The following XPO6 variants were observed in gnomAD, a reference collection of about 807,000 sequenced individuals.
XPO6 encodes exportin-6.
Under a neutral mutation model 130.0 loss-of-function variants are expected in XPO6, and 3 were observed. That is an observed-to-expected ratio of 0.02 (90% CI 0.01 to 0.06). XPO6 has a LOEUF of 0.06. Ranked by LOEUF, XPO6 falls within the 10% of genes least tolerant of loss-of-function variation. The probability of loss-of-function intolerance (pLI) is 1.00; values close to 1 mark genes in which losing one functional copy is unlikely to be tolerated. For synonymous variants in XPO6, 524 were observed against 548.9 expected, an observed-to-expected ratio of 0.95 and a Z score of 0.63; for missense variants, 970 against 1,393.0, an observed-to-expected ratio of 0.70 and a Z score of 4.83.
intron 17 of XPO6, among the ~76,000 whole-genome samples, chr16:28,110,069 G>A (rs960132092): frequency 6.6e-6 from 1 of 151,954 alleles, no homozygotes; most frequent in Non-Finnish European, 1.5e-5. Context: ...AAAGTATAAA[G>A]TTGAGATAAG....
At chr16:28,153,349 G>A (rs1414314299) in intron 7 of XPO6, 2 of 985,672 alleles carry the variant, frequency 2.0e-6, no homozygotes, top group East Asian at 2.3e-4. Context: ...AAGGGAGGAA[G>A]GCTATTAGAA....
intron 1 of XPO6, among the ~76,000 whole-genome samples, chr16:28,200,902 C>T (rs1050468252): frequency 2.0e-5 from 3 of 152,072 alleles, no homozygotes; most frequent in East Asian, 1.9e-4. Context: ...CCCTTAACGA[C>T]GACTAGCACA....
At chr16:28,108,093 C>T (rs1254405979) in intron 17 of XPO6, among the ~76,000 whole-genome samples, 3 of 152,114 alleles carry the variant, frequency 2.0e-5, no homozygotes, top group African/African-American at 7.2e-5. Context: ...AGGTCACAGG[C>T]CAGGACGGAC....
At position 28,098,625 on chromosome 16, in the gene XPO6, G is replaced by A; in HGVS notation, c.3291C>T (p.Phe1097=). The A allele has an allele frequency of 6.2e-7, 1 of 1,611,200 alleles. No homozygotes were observed. Among genetic ancestry groups the A allele is most frequent in the South Asian group, 1.1e-5 (1 of 90,832 alleles). Reference sequence around the variant, plus strand: ...TGACCAGCCTGTGCACATTCTGGGTGAATGAGGGCAGGTCCTGGAAGGCAG... The same window carrying A: ...TGACCAGCCTGTGCACATTCTGGGTAAATGAGGGCAGGTCCTGGAAGGCAG... ...NFKMDRDLPS[F]TQNVHRLVND... is the part of the protein sequence containing the mutation. The change falls in exon 24 of 24, where the codon TTC becomes TTT. Residue 1097 remains phenylalanine, a synonymous_variant. Coordinates refer to ENST00000304658, the MANE Select transcript of XPO6 (RefSeq NM_015171.4).
intron 7 of XPO6, 157 bp from the exon 8 acceptor site, chr16:28,152,942 C>G: frequency 7.4e-7 from 1 of 1,342,724 alleles, no homozygotes; most frequent in Non-Finnish European, 9.5e-7. Context: ...ACAGGACAGG[C>G]AACCCTTCAT....
At position 28,106,007 on chromosome 16, in the gene XPO6, G is replaced by A; in HGVS notation, c.2784+36C>T. 6.3e-7 allele frequency: 1 copy of A among 1,587,000 alleles called. No homozygotes were observed. The highest frequency in any genetic ancestry group is 8.6e-7 in the Non-Finnish European group (1 of 1,161,434). On this transcript the variant is annotated intron_variant, in intron 20 of 23. Coordinates refer to ENST00000304658, the MANE Select transcript of XPO6 (RefSeq NM_015171.4). This position sits in a 1 kb window ranked among gnomAD's most constrained non-coding sequence, Gnocchi z 4.2. ...CTCATTCCCTTCCCAATCTGGAGAT[G>A]GGGGGTGCTGCACAGGGGACCGTCT...
intron 1 of XPO6, among the ~76,000 whole-genome samples, chr16:28,194,189 A>G (rs1487192232): frequency 3.9e-5 from 6 of 152,182 alleles, no homozygotes; most frequent in Admixed American, 3.9e-4. Context: ...AAATGAGCAA[A>G]ACTATTTCAC....
chr16:28,193,155 A>G (rs2043810850), intron 1 of XPO6, among the ~76,000 whole-genome samples: 1 of 152,158 alleles, frequency 6.6e-6, no homozygotes, highest in South Asian at 2.1e-4. Context: ...CCACCTTTAT[A>G]CTTTTTTAAA....
chr16:28,178,582 C>A (rs1386344369), intron 2 of XPO6, among the ~76,000 whole-genome samples: 2 of 139,308 alleles, frequency 1.4e-5, no homozygotes, highest in African/African-American at 5.1e-5. Context: ...TGAGACACCA[C>A]GCACAGATGG....
intron 15 of XPO6, among the ~76,000 whole-genome samples, chr16:28,115,283 G>T (rs193173593): frequency 6.6e-5 from 10 of 152,114 alleles, no homozygotes; most frequent in Non-Finnish European, 1.3e-4. Context: ...CTTATGAAAC[G>T]TATTTCTGAA....
At chr16:28,153,302 C>T (rs1397048519) in intron 7 of XPO6, 1 of 988,232 alleles carries the variant, frequency 1.0e-6, no homozygotes, top group East Asian at 1.1e-4. Flanking sequence ...TAATTAAACA[C>T]AGCACAACCC....
intron 9 of XPO6, 101 bp from the exon 10 acceptor site, chr16:28,135,425 C>A: frequency 2.2e-6 from 2 of 929,368 alleles, no homozygotes; most frequent in Admixed American, 2.4e-5. Context: ...ATGTTGATCA[C>A]CATGGAAAAA....
intron 1 of XPO6, among the ~76,000 whole-genome samples, chr16:28,191,338 A>G (rs888358716): frequency 2.0e-5 from 3 of 152,230 alleles, no homozygotes; most frequent in African/African-American, 7.2e-5. Context: ...GAAACTGTCT[A>G]AAGTAAGTAA....
intron 3 of XPO6, among the ~76,000 whole-genome samples, chr16:28,176,897 ATTATGG>A (rs1413597665): frequency 6.6e-6 from 1 of 152,106 alleles, no homozygotes; most frequent in African/African-American, 2.4e-5. Context: ...GGATGATGGT[ATTATGG>A]TTATTATTTC....
At chr16:28,141,892 G>A (rs1596865115) in intron 9 of XPO6, among the ~76,000 whole-genome samples, 2 of 152,240 alleles carry the variant, frequency 1.3e-5, no homozygotes, top group South Asian at 2.1e-4. Context: ...CCCAGGAGGC[G>A]GAGCTTGCAG....
intron 1 of XPO6, among the ~76,000 whole-genome samples, chr16:28,204,244 A>G (rs1411734766): frequency 1.3e-5 from 2 of 152,150 alleles, no homozygotes; most frequent in Non-Finnish European, 2.9e-5. Flanking sequence ...CTCATTAATA[A>G]TATTGAGTAT....
intron 18 of XPO6, 54 bp downstream of exon 18, chr16:28,107,468 A>G: frequency 6.2e-7 from 1 of 1,601,890 alleles, no homozygotes; most frequent in Admixed American, 1.7e-5. Context: ...CTAAGTGGGT[A>G]TTCTGGCCCT....
chr16:28,161,266 T>C (rs2043273272), intron 6 of XPO6, among the ~76,000 whole-genome samples: 2 of 152,184 alleles, frequency 1.3e-5, no homozygotes, highest in Non-Finnish European at 2.9e-5. Flanking sequence ...TATGAACACA[T>C]ACCTGGCCTT....
intron 17 of XPO6, among the ~76,000 whole-genome samples, chr16:28,108,710 T>C (rs185783942): frequency 9.9e-5 from 15 of 152,274 alleles, no homozygotes; most frequent in Non-Finnish European, 1.9e-4. Flanking sequence ...GCCTCCCACT[T>C]GGCAGCAGTC....
Sources: allele counts gnomAD v4.1 joint callset (sites outside exome capture counted in the v4.1 genomes callset), GRCh38; gene constraint gnomAD v4.1.1; non-coding constraint Gnocchi (gnomAD v3.1); transcripts MANE v1.5; gene names NCBI Gene and HGNC (gene_info 2026-07-23, HGNC 2026-07-21).